Variants in MCC observed in about 807,000 individuals in gnomAD.
MCC encodes the protein MCC regulator of Wnt signaling pathway, also known as colorectal mutant cancer protein.
In MCC, 90 loss-of-function variants were observed where a neutral mutation model predicts 116.2. That is an observed-to-expected ratio of 0.77 (90% CI 0.65 to 0.92). The LOEUF (loss-of-function observed/expected upper bound fraction) is 0.92, where lower values mean the gene tolerates loss of function less well. Among genes scored for constraint, MCC ranks in the 40% least tolerant of loss-of-function variants. MCC has a pLI of 0.00. For synonymous variants in MCC, 578 were observed against 510.5 expected (o/e 1.13, Z -1.78); for missense variants, 1,516 against 1,312.2 (o/e 1.16, Z -2.40).
intron 8 of MCC, among the ~76,000 whole-genome samples, chr5:113,086,719 C>G (rs111731692): frequency 6.6e-6 from 1 of 152,170 alleles, no homozygotes; most frequent in African/African-American, 2.4e-5. Context: ...CAGTGTCTAC[C>G]TGAAAGAGCA....
rs371332101 is a variant in MCC, at chr5:113,182,577, A to G, written c.628-31155T>C. 5.5e-4 allele frequency among the ~76,000 whole-genome samples: 84 copies of G among 152,254 alleles called. 1 individual carries two copies. The South Asian group carries it at 6.2e-3, about 11-fold the overall frequency. ...TACCACTGCACTCTAGCCTGACAAC[A>G]GAGCCATCCTCTATCTCAAAGAAAA... On this transcript the variant is annotated intron_variant, in intron 3 of 18. Coordinates refer to ENST00000408903, the MANE Select transcript of MCC (RefSeq NM_001085377.2).
intron 16 of MCC, chr5:113,048,791 G>A (rs961088398): frequency 2.0e-6 from 1 of 497,886 alleles, no homozygotes; most frequent in Non-Finnish European, 3.5e-6. Flanking sequence ...GTGTGACAGA[G>A]GATTAGACGA....
chr5:113,235,644 G>A (rs1439509081), intron 3 of MCC, among the ~76,000 whole-genome samples: 1 of 152,196 alleles, frequency 6.6e-6, no homozygotes, highest in African/African-American at 2.4e-5. Context: ...GTCCCTTTAT[G>A]ATAAAACTAC....
chr5:113,151,909 G>GA (rs11421185), intron 3 of MCC, among the ~76,000 whole-genome samples: 34,952 of 152,046 alleles, frequency 0.23, 4,187 homozygotes, highest in South Asian at 0.32. Flanking sequence ...GCATTAAGGG[G>GA]AAAAAAGCAG....
At chr5:113,285,323 C>T (rs1453541490) in intron 3 of MCC, among the ~76,000 whole-genome samples, 1 of 151,678 alleles carries the variant, frequency 6.6e-6, no homozygotes, top group African/African-American at 2.4e-5. Context: ...CTCCTCTTCC[C>T]TACATCTCCC....
intron 11 of MCC, among the ~76,000 whole-genome samples, chr5:113,076,856 AC>A (rs1314801232): frequency 2.0e-5 from 3 of 152,208 alleles, no homozygotes; most frequent in Non-Finnish European, 2.9e-5. Context: ...AAAGACACAG[AC>A]TGGCAAATTG....
At position 113,306,026 on chromosome 5, in the gene MCC, C is replaced by G. The variant is rs528610378; in HGVS notation, c.627+34493G>C. 2.6e-5 allele frequency among the ~76,000 whole-genome samples: 4 copies of G among 152,140 alleles called. No homozygotes were observed. The South Asian group carries it at 8.3e-4, about 32-fold the overall frequency. On this transcript the variant is annotated intron_variant, in intron 3 of 18. Transcript: ENST00000408903. ...AAGACAATATGTGGCTCTTTGTATA[C>G]GGCTTCTTTCACTTAGCCTGTTTTC...
At chr5:113,055,131 G>A (rs575145866) in intron 14 of MCC, among the ~76,000 whole-genome samples, 1 of 152,316 alleles carries the variant, frequency 6.6e-6, no homozygotes, top group South Asian at 2.1e-4. Flanking sequence ...TACAGATTTG[G>A]AAAGTGAAGC....
At chr5:113,045,603 C>T (rs943031368) in intron 16 of MCC, among the ~76,000 whole-genome samples, 1 of 152,034 alleles carries the variant, frequency 6.6e-6, no homozygotes, top group African/African-American at 2.4e-5. Flanking sequence ...AGTTTGAGAC[C>T]AGCCTGACCA....
chr5:113,228,319 C>T (rs1317132781), intron 3 of MCC, among the ~76,000 whole-genome samples: 1 of 152,170 alleles, frequency 6.6e-6, no homozygotes, highest in African/African-American at 2.4e-5. Flanking sequence ...CTTACACACA[C>T]ACACCTACCA....
intron 1 of MCC, among the ~76,000 whole-genome samples, chr5:113,472,973 C>T (rs1772135293): frequency 6.6e-6 from 1 of 152,262 alleles, no homozygotes; most frequent in East Asian, 1.9e-4. Context: ...CGCATGATGT[C>T]AGGTAGTGTG....
intron 1 of MCC, among the ~76,000 whole-genome samples, chr5:113,413,239 G>C (rs1399380037): frequency 1.3e-5 from 2 of 149,920 alleles, no homozygotes; most frequent in African/African-American, 4.9e-5. Flanking sequence ...TCTCTTTTTT[G>C]GTTGTGTCTC....
intron 1 of MCC, among the ~76,000 whole-genome samples, chr5:113,459,473 G>A (rs1771685392): frequency 6.6e-6 from 1 of 151,648 alleles, no homozygotes; most frequent in Non-Finnish European, 1.5e-5. Flanking sequence ...AGGAGGTAGA[G>A]CTTGCAGTGA....
At chr5:113,390,671 T>TCTCTC (rs1466377479) in intron 1 of MCC, among the ~76,000 whole-genome samples, 1 of 152,196 alleles carries the variant, frequency 6.6e-6, no homozygotes, top group Admixed American at 6.5e-5. Flanking sequence ...ATGGGAAAGA[T>TCTCTC]GGGCTTTGGT....
intron 3 of MCC, among the ~76,000 whole-genome samples, chr5:113,214,123 G>A (rs1176114883): frequency 6.6e-6 from 1 of 152,142 alleles, no homozygotes; most frequent in Non-Finnish European, 1.5e-5. Flanking sequence ...ACAATGGTGT[G>A]AATTAACAAA....
intron 1 of MCC, among the ~76,000 whole-genome samples, chr5:113,421,092 C>G (rs995214048): frequency 6.6e-6 from 1 of 151,872 alleles, no homozygotes; most frequent in African/African-American, 2.4e-5. Context: ...GGCACGATAT[C>G]AGCTCACTGC....
At chr5:113,088,722 G>C (rs1454097723) in intron 8 of MCC, among the ~76,000 whole-genome samples, 1 of 152,106 alleles carries the variant, frequency 6.6e-6, no homozygotes, top group Non-Finnish European at 1.5e-5. Flanking sequence ...AGCCCTTTGA[G>C]GGAGTGTGGC....
chr5:113,441,180 C>G (rs375663283), intron 1 of MCC, among the ~76,000 whole-genome samples: 1 of 152,030 alleles, frequency 6.6e-6, no homozygotes, highest in African/African-American at 2.4e-5. Flanking sequence ...ACTAAAAATA[C>G]AAAAATTAGC....
At chr5:113,391,553 AC>A (rs1769401298) in intron 1 of MCC, among the ~76,000 whole-genome samples, 1 of 152,240 alleles carries the variant, frequency 6.6e-6, no homozygotes, top group Admixed American at 6.5e-5. Flanking sequence ...TGATCTTCAC[AC>A]AAAAAATTGA....
Sources: gnomAD v4.1 joint callset for allele counts (sites outside exome capture counted in the v4.1 genomes callset) on GRCh38, gnomAD v4.1.1 for gene constraint, MANE v1.5 for transcripts, NCBI Gene and HGNC (gene_info 2026-07-23, HGNC 2026-07-21) for gene names.